EXOC6: variants seen among roughly 807,000 people sequenced by gnomAD.
The protein encoded by EXOC6 is exocyst complex component 6, also known as SEC15-like 1.
Under a neutral mutation model 112.5 loss-of-function variants are expected in EXOC6, and 60 were observed. The ratio of observed to expected loss-of-function variants is 0.53; its 90% CI spans 0.43 to 0.66. EXOC6 has a LOEUF of 0.66. EXOC6 is among the 30% of genes least tolerant of loss of function. The probability of loss-of-function intolerance (pLI) is 0.00; values close to 1 mark genes in which losing one functional copy is unlikely to be tolerated. For missense variants in EXOC6, 855 were observed against 957.1 expected (o/e 0.89, Z 1.41); for synonymous variants, 295 against 308.0 (o/e 0.96, Z 0.44).
intron 13 of EXOC6, among the ~76,000 whole-genome samples, chr10:92,945,115 A>G (rs1277643580): frequency 1.3e-5 from 2 of 152,014 alleles, no homozygotes; most frequent in African/African-American, 4.8e-5. Context: ...ATGATTAGTG[A>G]TGTTAAGCTT....
chr10:93,023,395 G>A (rs761340005), intron 20 of EXOC6, among the ~76,000 whole-genome samples: 1 of 152,166 alleles, frequency 6.6e-6, no homozygotes, highest in Non-Finnish European at 1.5e-5. Flanking sequence ...AAAGGAAATA[G>A]CTGACCTGTG....
intron 19 of EXOC6, among the ~76,000 whole-genome samples, chr10:93,006,161 A>C (rs2134207517): frequency 6.6e-6 from 1 of 152,062 alleles, no homozygotes; most frequent in African/African-American, 2.4e-5. Flanking sequence ...CCCTGTCTCA[A>C]AAACAAAACA....
At chr10:92,991,223 G>T (rs181226507) in intron 18 of EXOC6, among the ~76,000 whole-genome samples, 76 of 151,520 alleles carry the variant, frequency 5.0e-4, no homozygotes, top group African/African-American at 1.8e-3. Flanking sequence ...GGATTATGAG[G>T]TCAGGAGTTT....
chr10:92,836,194 C>G (rs999039389), intron 1 of EXOC6, among the ~76,000 whole-genome samples: 1 of 152,196 alleles, frequency 6.6e-6, no homozygotes, highest in African/African-American at 2.4e-5. Flanking sequence ...AACTTGTAAC[C>G]CTTTCTACCT....
intron 1 of EXOC6, among the ~76,000 whole-genome samples, chr10:92,871,888 T>C (rs1448732865): frequency 6.6e-6 from 1 of 152,122 alleles, no homozygotes; most frequent in African/African-American, 2.4e-5. Context: ...AATTTTAGTA[T>C]TTTTTGTATT....
At chr10:93,045,685 CTCA>C (rs2134349844) in intron 20 of EXOC6, among the ~76,000 whole-genome samples, 1 of 152,324 alleles carries the variant, frequency 6.6e-6, no homozygotes, top group African/African-American at 2.4e-5. Context: ...TTGAACACCT[CTCA>C]TCATGAGTTT....
intron 5 of EXOC6, among the ~76,000 whole-genome samples, chr10:92,902,717 A>T (rs1010088012): frequency 3.3e-5 from 5 of 152,150 alleles, no homozygotes; most frequent in Non-Finnish European, 7.4e-5. Flanking sequence ...CCAAAACAAG[A>T]TGAAGAATAC....
At chr10:92,853,640 GAT>G (rs1847456250) in intron 1 of EXOC6, among the ~76,000 whole-genome samples, 1 of 152,168 alleles carries the variant, frequency 6.6e-6, no homozygotes, top group Non-Finnish European at 1.5e-5. Flanking sequence ...AGTAGAAAGA[GAT>G]AGTCTTTTTT....
intron 5 of EXOC6, chr10:92,901,294 C>T (rs1041002183): frequency 2.0e-5 from 3 of 151,988 alleles, no homozygotes; most frequent in Non-Finnish European, 4.4e-5. Context: ...TCATTCTTGC[C>T]TTAATCCGTT....
At chr10:92,873,355 T>C (rs1299409455) in intron 1 of EXOC6, among the ~76,000 whole-genome samples, 1 of 152,202 alleles carries the variant, frequency 6.6e-6, no homozygotes, top group Non-Finnish European at 1.5e-5. Context: ...ACACTAGTTA[T>C]AGGAGGCAAT....
rs1227576973 is a variant in EXOC6, at chr10:92,940,888, TTGCATATATTAATAAAAA to T, written c.1310+68_1310+85del. On this transcript the variant is annotated intron_variant, in intron 13 of 21. Transcript: ENST00000260762. The stretch of plus-strand genomic sequence containing the variant: ...TTTGTCAAATGCTCAAGTGGTTCAT[TTGCATATATTAATAAAAA>T]TGCTTATAATCATTTTTATTGTAGT... 5 of 988,574 alleles carry T rather than the reference TTGCATATATTAATAAAAA, an allele frequency of 5.1e-6. No individual in the cohort carries two copies. In the African/African-American group the frequency reaches 8.2e-5, roughly 16 times the overall value. 61.2% of individuals were successfully genotyped at this position (988,574 alleles called of 1,614,324 possible).
intron 1 of EXOC6, among the ~76,000 whole-genome samples, chr10:92,854,263 C>T (rs1296832003): frequency 6.6e-6 from 1 of 152,004 alleles, no homozygotes; most frequent in East Asian, 1.9e-4. Context: ...TGTGGTGAAA[C>T]TCCGTCTCTA....
chr10:92,880,004 T>C (rs1051303487), intron 1 of EXOC6, among the ~76,000 whole-genome samples: 6 of 152,266 alleles, frequency 3.9e-5, no homozygotes, highest in Non-Finnish European at 8.8e-5. Context: ...TTATTTTTAT[T>C]TTTATTTCAT....
At position 92,907,634 on chromosome 10, in the gene EXOC6, C is replaced by T. The variant is rs555317628; in HGVS notation, c.459-1793C>T. On this transcript the variant is annotated intron_variant, in intron 5 of 21. Coordinates refer to ENST00000260762, the MANE Select transcript of EXOC6 (RefSeq NM_019053.6). ...TTAGCATGAATTTTCAGAAACCATA[C>T]CTGTTGTAGAGAGAATACTTTTGAA... 2.6e-5 allele frequency among the ~76,000 whole-genome samples: 4 copies of T among 152,268 alleles called. No homozygotes were observed. In the South Asian group the frequency reaches 6.2e-4, roughly 24 times the overall value.
chr10:92,918,416 CTTT>C (rs34709274), intron 7 of EXOC6, among the ~76,000 whole-genome samples: 15 of 141,702 alleles, frequency 1.1e-4, no homozygotes, highest in Admixed American at 1.4e-4. Context: ...ATGTGCATTT[CTTT>C]TTTTTTTTTT....
chr10:92,881,957 A>G (rs1025124806), intron 1 of EXOC6, among the ~76,000 whole-genome samples: 27 of 152,260 alleles, frequency 1.8e-4, no homozygotes, highest in African/African-American at 6.0e-4. Flanking sequence ...CTCCCAAGAC[A>G]TGTGGAACTG....
chr10:92,919,008 C>A (rs2133903539), intron 7 of EXOC6, among the ~76,000 whole-genome samples: 1 of 152,166 alleles, frequency 6.6e-6, no homozygotes, highest in South Asian at 2.1e-4. Flanking sequence ...TTTTTTGTCC[C>A]TTTAAATTAA....
intron 20 of EXOC6, among the ~76,000 whole-genome samples, chr10:93,032,067 T>C (rs1034689911): frequency 1.3e-4 from 20 of 150,564 alleles, no homozygotes; most frequent in Non-Finnish European, 2.2e-4. Flanking sequence ...AGTTTTCTAT[T>C]GATTTTTTCC....
At chr10:92,851,905 T>C (rs1847364477) in intron 1 of EXOC6, among the ~76,000 whole-genome samples, 2 of 152,036 alleles carry the variant, frequency 1.3e-5, no homozygotes, top group African/African-American at 4.8e-5. Flanking sequence ...ACCTTGTCTC[T>C]ACAAATACAA....
Sources: gnomAD v4.1 joint callset for allele counts (sites outside exome capture counted in the v4.1 genomes callset) on GRCh38, gnomAD v4.1.1 for gene constraint, MANE v1.5 for transcripts, NCBI Gene and HGNC (gene_info 2026-07-23, HGNC 2026-07-21) for gene names.